The following GRM3 variants were observed in gnomAD, a reference collection of about 807,000 sequenced individuals.
GRM3 encodes glutamate metabotropic receptor 3.
In GRM3, 26 loss-of-function variants were observed where a neutral mutation model predicts 70.5. The ratio of observed to expected loss-of-function variants is 0.37; its 90% CI spans 0.27 to 0.51. The LOEUF is 0.51. GRM3 is among the 20% of genes least tolerant of loss of function. GRM3 has a pLI of 0.93. For missense variants in GRM3, 859 were observed against 1,123.8 expected (o/e 0.76, Z 3.37); for synonymous variants, 443 against 434.9 (o/e 1.02, Z -0.23).
intron 1 of GRM3, among the ~76,000 whole-genome samples, chr7:86,705,624 A>G (rs1395666455): frequency 6.6e-6 from 1 of 152,098 alleles, no homozygotes; most frequent in African/African-American, 2.4e-5. Flanking sequence ...GGCATTAAAA[A>G]GAGCACAAGA....
intron 2 of GRM3, among the ~76,000 whole-genome samples, chr7:86,769,219 T>C (rs1680435032): frequency 6.6e-6 from 1 of 152,136 alleles, no homozygotes; most frequent in African/African-American, 2.4e-5. Flanking sequence ...CATCCATTTT[T>C]AACTACTTTT....
At chr7:86,850,948 A>G (rs535091071) in intron 5 of GRM3, among the ~76,000 whole-genome samples, 1 of 152,260 alleles carries the variant, frequency 6.6e-6, no homozygotes, top group East Asian at 1.9e-4. Flanking sequence ...TTGGTGTTTT[A>G]TAAAATATAT....
intron 1 of GRM3, among the ~76,000 whole-genome samples, chr7:86,687,188 T>C (rs931447511): frequency 1.3e-5 from 2 of 151,928 alleles, no homozygotes; most frequent in East Asian, 1.9e-4. Context: ...ACATAAATGA[T>C]TGAAAAATAC....
intron 1 of GRM3, among the ~76,000 whole-genome samples, chr7:86,753,812 A>G (rs974891534): frequency 2.0e-5 from 3 of 152,124 alleles, no homozygotes; most frequent in Admixed American, 1.3e-4. Flanking sequence ...TAAATATTTA[A>G]CAATCAAATC....
chr7:86,795,115 A>C lies in GRM3; in HGVS notation c.1324+7999A>C, dbSNP rs1554361626. On this transcript the variant is annotated intron_variant, in intron 3 of 5. Transcript: ENST00000361669. Reference sequence around the variant, plus strand: ...TTCTCAAATGTATGTTTTTTTTTTAAATTAAGGCAGTTTAATGTATTACTT... The same window carrying C: ...TTCTCAAATGTATGTTTTTTTTTTACATTAAGGCAGTTTAATGTATTACTT... Among the ~76,000 whole-genome samples the C allele has an allele frequency of 3.3e-5, 5 of 151,614 alleles. No homozygotes were observed. The South Asian group carries it at 1.0e-3, about 31-fold the overall frequency.
chr7:86,648,458 G>A (rs1793530951), intron 1 of GRM3, among the ~76,000 whole-genome samples: 1 of 152,126 alleles, frequency 6.6e-6, no homozygotes, highest in Admixed American at 6.5e-5. Context: ...TGAAATGAAA[G>A]TGATGTCCAT....
At chr7:86,811,709 A>G (rs1171999561) in intron 3 of GRM3, among the ~76,000 whole-genome samples, 4 of 151,824 alleles carry the variant, frequency 2.6e-5, no homozygotes, top group Non-Finnish European at 5.9e-5. Flanking sequence ...TTTTAAAGTA[A>G]CGTAACAATT....
chr7:86,852,041 C>A (rs1207181534), intron 5 of GRM3, among the ~76,000 whole-genome samples: 1 of 152,026 alleles, frequency 6.6e-6, no homozygotes, highest in Non-Finnish European at 1.5e-5. Flanking sequence ...ATGCTCCAAC[C>A]CCTTAAGGTA....
intron 3 of GRM3, among the ~76,000 whole-genome samples, chr7:86,790,028 C>T (rs1034467011): frequency 6.6e-6 from 1 of 152,126 alleles, no homozygotes; most frequent in Non-Finnish European, 1.5e-5. Flanking sequence ...TCCACATTCA[C>T]TCTTCCTTCC....
At chr7:86,840,342 C>G (rs1053706449) in intron 4 of GRM3, among the ~76,000 whole-genome samples, 1 of 152,146 alleles carries the variant, frequency 6.6e-6, no homozygotes, top group Admixed American at 6.5e-5. Context: ...AATACACTTG[C>G]AATATTAAGC....
chr7:86,715,652 G>T (rs749643622), intron 1 of GRM3, among the ~76,000 whole-genome samples: 1 of 151,890 alleles, frequency 6.6e-6, no homozygotes, highest in Non-Finnish European at 1.5e-5. Context: ...AATTATTTGT[G>T]CTCTAGATAG....
chr7:86,851,356 C>CTTTAGAGTTTA (rs1798751819), intron 5 of GRM3, among the ~76,000 whole-genome samples: 1 of 152,100 alleles, frequency 6.6e-6, no homozygotes, highest in Non-Finnish European at 1.5e-5. Context: ...CTTAGAGAAT[C>CTTTAGAGTTTA]ATTGATTTAA....
rs546212893 is a variant in GRM3 at position 86,768,845 on chromosome 7, C to T, written c.468+3232C>T. ...CAGGAGTTGGAGCAATTAGGCTATA[C>T]ACTGACCCCCATGCCCCCTTCCAAG... On this transcript the variant is annotated intron_variant, in intron 2 of 5. Coordinates refer to ENST00000361669, the MANE Select transcript of GRM3 (RefSeq NM_000840.3). Among the ~76,000 whole-genome samples the T allele has an allele frequency of 6.6e-5, 10 of 152,252 alleles. No individual in the cohort carries two copies. In the East Asian group the frequency reaches 1.9e-3, roughly 29 times the overall value.
At chr7:86,793,384 A>T (rs1289008369) in intron 3 of GRM3, among the ~76,000 whole-genome samples, 1 of 152,190 alleles carries the variant, frequency 6.6e-6, no homozygotes, top group African/African-American at 2.4e-5. Context: ...CCAAAATGGT[A>T]ATGGCCACAT....
intron 1 of GRM3, among the ~76,000 whole-genome samples, chr7:86,673,598 T>C (rs1353362549): frequency 1.3e-5 from 2 of 152,088 alleles, no homozygotes; most frequent in Admixed American, 6.6e-5. Flanking sequence ...ATTCTTTCCC[T>C]AAATGACATA....
At chr7:86,766,493 C>T (rs983458769) in intron 2 of GRM3, among the ~76,000 whole-genome samples, 3 of 151,798 alleles carry the variant, frequency 2.0e-5, no homozygotes, top group Admixed American at 6.6e-5. Context: ...GCAATCCTTA[C>T]TTATAAGGTT....
intron 1 of GRM3, among the ~76,000 whole-genome samples, chr7:86,680,133 C>T (rs1180710328): frequency 6.6e-6 from 1 of 152,028 alleles, no homozygotes; most frequent in African/African-American, 2.4e-5. Context: ...CTGTCACATT[C>T]TGAAAGGCAC....
chr7:86,668,792 C>T (rs1199646463), intron 1 of GRM3, among the ~76,000 whole-genome samples: 1 of 152,092 alleles, frequency 6.6e-6, no homozygotes, highest in East Asian at 1.9e-4. Flanking sequence ...AAACTATTGT[C>T]GTTTTCCCTG....
intron 3 of GRM3, among the ~76,000 whole-genome samples, chr7:86,820,880 C>T (rs530573879): frequency 3.3e-5 from 5 of 152,292 alleles, no homozygotes; most frequent in Admixed American, 3.3e-4. Context: ...CAACGTCACC[C>T]AGTGCCCATC....
Sources: gnomAD v4.1 joint callset for allele counts (sites outside exome capture counted in the v4.1 genomes callset) on GRCh38, gnomAD v4.1.1 for gene constraint, MANE v1.5 for transcripts, NCBI Gene and HGNC (gene_info 2026-07-23, HGNC 2026-07-21) for gene names.